SLC4A8: variants seen among roughly 807,000 people sequenced by gnomAD.
SLC4A8 encodes solute carrier family 4 member 8.
In SLC4A8, 40 loss-of-function variants were observed where a neutral mutation model predicts 125.0. The ratio of observed to expected loss-of-function variants is 0.32; its 90% CI spans 0.25 to 0.42. The LOEUF (loss-of-function observed/expected upper bound fraction) is 0.42, where lower values mean the gene tolerates loss of function less well. Among genes scored for constraint, SLC4A8 ranks in the 10% least tolerant of loss-of-function variants. The pLI is 1.00. For missense variants in SLC4A8, 863 were observed against 1,355.1 expected (o/e 0.64, Z 5.70); for synonymous variants, 456 against 476.0 (o/e 0.96, Z 0.55).
chr12:51,394,732 G>A (rs576767833), intron 1 of SLC4A8, among the ~76,000 whole-genome samples: 4 of 152,152 alleles, frequency 2.6e-5, no homozygotes, highest in Admixed American at 6.5e-5. Context: ...ACTACCTAGC[G>A]GGTATTATGC....
upstream of SLC4A8, among the ~76,000 whole-genome samples, chr12:51,423,580 C>A (rs993565910): frequency 6.6e-6 from 1 of 152,128 alleles, no homozygotes; most frequent in African/African-American, 2.4e-5. Context: ...ATTTCAGGAC[C>A]AACACAAAGG....
At chr12:51,465,924 A>G (rs750199308) in intron 11 of SLC4A8, among the ~76,000 whole-genome samples, 7 of 152,174 alleles carry the variant, frequency 4.6e-5, no homozygotes, top group Non-Finnish European at 8.8e-5. Flanking sequence ...CTAAAACCAC[A>G]TTAGTCTGGG....
rs190013848 is a variant in SLC4A8 at position 51,447,289 on chromosome 12, A to T, written c.131-3587A>T. 6.7e-3 allele frequency among the ~76,000 whole-genome samples: 1,010 copies of T among 151,492 alleles called. 7 individuals are homozygous for T. Among genetic ancestry groups the T allele is most frequent in the Non-Finnish European group, 0.011 (754 of 67,874 alleles). On this transcript the variant is annotated intron_variant, in intron 2 of 24. Coordinates refer to ENST00000453097, the MANE Select transcript of SLC4A8 (RefSeq NM_001039960.3). ...ACACCTTTTGTGGAGATGAGGTCTC[A>T]CTAAGTTGCCCAAGCTGGTCTCAAA...
intron 1 of SLC4A8, among the ~76,000 whole-genome samples, chr12:51,436,092 A>T (rs371838974): frequency 3.8e-4 from 58 of 152,334 alleles, no homozygotes; most frequent in African/African-American, 1.3e-3. Flanking sequence ...TCAATTTAGG[A>T]CTGCATGGCT....
intron 22 of SLC4A8, chr12:51,497,613 A>C (rs1951498920): frequency 6.5e-6 from 1 of 153,784 alleles, no homozygotes; most frequent in Non-Finnish European, 1.4e-5. Flanking sequence ...TAAATGGCCT[A>C]TATGTGCAAA....
intron 16 of SLC4A8, among the ~76,000 whole-genome samples, chr12:51,483,050 G>GT (rs2138370793): frequency 6.6e-6 from 1 of 152,202 alleles, no homozygotes; most frequent in East Asian, 1.9e-4. Context: ...TTCTTTTGTG[G>GT]TTCCCCCCAC....
chr12:51,475,316 A>T lies in SLC4A8; in HGVS notation c.2172+110A>T. ...TGATTGGCCAGGTGGAGAACTCCGGATGTCCTGATGAGCCACACTGGCATT... is the reference window on the plus strand; with the variant it reads ...TGATTGGCCAGGTGGAGAACTCCGGTTGTCCTGATGAGCCACACTGGCATT... On this transcript the variant is annotated intron_variant, in intron 16 of 24. Coordinates refer to ENST00000453097, the MANE Select transcript of SLC4A8 (RefSeq NM_001039960.3). 4 of 958,072 alleles carry T rather than the reference A, an allele frequency of 4.2e-6. No individual in the cohort carries two copies. The South Asian group carries it at 6.1e-5, about 15-fold the overall frequency. 59.3% of individuals were successfully genotyped at this position (958,072 alleles called of 1,614,324 possible).
Position 51,475,237 on chromosome 12 carries a change from G to A in SLC4A8, c.2172+31G>A, listed in dbSNP as rs145562372. ...TAGCATGTTCATGCATTTCTTTCAC[G>A]TTAGAATCAAATATAACAGAACCTT... On this transcript the variant is annotated intron_variant, in intron 16 of 24. Transcript: ENST00000453097. 2.4e-4 allele frequency: 387 copies of A among 1,606,708 alleles called. 1 individual carries two copies. The African/African-American group carries it at 4.5e-3, about 19-fold the overall frequency.
At chr12:51,396,454 C>T (rs992540124) in intron 1 of SLC4A8, among the ~76,000 whole-genome samples, 1 of 151,734 alleles carries the variant, frequency 6.6e-6, no homozygotes, top group African/African-American at 2.4e-5. Context: ...CATCTAAAAA[C>T]TCAGTAACCA....
chr12:51,460,020 G>A lies in SLC4A8; in HGVS notation c.925G>A (p.Asp309Asn). 3.1e-6 allele frequency: 5 copies of A among 1,613,538 alleles called. No individual in the cohort carries two copies. Among genetic ancestry groups the A allele is most frequent in the Non-Finnish European group, 4.2e-6 (5 of 1,179,456 alleles). ...CTCCAATGTCCTGGTTGGAGAGGTGGATATTTTGGACCGTCCCATTGTTGC... is the reference window on the plus strand; with the variant it reads ...CTCCAATGTCCTGGTTGGAGAGGTGAATATTTTGGACCGTCCCATTGTTGC... ...EASNVLVGEV[D>N]ILDRPIVAFV... The change falls in exon 8 of 25, where the codon GAT (aspartate) becomes AAT (asparagine). Residue 309 changes from aspartate (D) to asparagine (N), a missense_variant. By Grantham distance (23) the Asp-to-Asn change is conservative. Around this residue, in one of 6 missense-constraint regions of SLC4A8, gnomAD observed 390 missense variants for 634.4 expected, o/e 0.61. Transcript: ENST00000453097.
At chr12:51,404,519 G>C (rs1191248332) in intron 1 of SLC4A8, among the ~76,000 whole-genome samples, 1 of 152,086 alleles carries the variant, frequency 6.6e-6, no homozygotes, top group Non-Finnish European at 1.5e-5. Flanking sequence ...ACATTTCTTA[G>C]GGCAAGCAAA....
intron 22 of SLC4A8, among the ~76,000 whole-genome samples, chr12:51,503,752 T>C (rs546478602): frequency 2.0e-4 from 30 of 152,352 alleles, no homozygotes; most frequent in African/African-American, 7.2e-4. Flanking sequence ...TCATTTAAAA[T>C]GTTCTTCTGT....
intron 22 of SLC4A8, chr12:51,501,832 T>A (rs985256138): frequency 6.6e-6 from 1 of 152,248 alleles, no homozygotes; most frequent in Non-Finnish European, 1.5e-5. Context: ...TTTTTTGACT[T>A]TTTAATAATA....
At chr12:51,463,526 T>C (rs752770889) in intron 10 of SLC4A8, 88 bp from the exon 11 acceptor site, 57 of 977,042 alleles carry the variant, frequency 5.8e-5, no homozygotes, top group Non-Finnish European at 7.6e-5. Flanking sequence ...TTTGGTTGCT[T>C]TTGGGTTATC....
chr12:51,422,916 G>C (rs185488875), upstream of SLC4A8, among the ~76,000 whole-genome samples: 1 of 152,230 alleles, frequency 6.6e-6, no homozygotes, highest in Non-Finnish European at 1.5e-5. Flanking sequence ...CAATCTTCAT[G>C]GTTTATATAA....
chr12:51,425,068 C>T (rs1230448681), intron 1 of SLC4A8, 33 bp downstream of exon 1: 2 of 1,542,328 alleles, frequency 1.3e-6, no homozygotes, highest in Middle Eastern at 2.1e-4. Flanking sequence ...TCCCGCTCCT[C>T]CCCGGGGCGC....
chr12:51,463,251 C>CT (rs1345831262), intron 10 of SLC4A8, among the ~76,000 whole-genome samples: 1 of 152,094 alleles, frequency 6.6e-6, no homozygotes, highest in African/African-American at 2.4e-5. Context: ...AGGAATAAAA[C>CT]TGTCTTCTAG....
upstream of SLC4A8, chr12:51,422,053 T>C (rs959412101): frequency 2.0e-5 from 3 of 152,340 alleles, no homozygotes; most frequent in South Asian, 2.1e-4. Context: ...ACACCTAACA[T>C]AGGGCACGAT....
At chr12:51,494,893 C>A (rs372173060) in intron 20 of SLC4A8, 52 bp from the exon 21 acceptor site, 2 of 1,521,808 alleles carry the variant, frequency 1.3e-6, no homozygotes, top group Non-Finnish European at 1.8e-6. Flanking sequence ...TCTAACAAAG[C>A]TTCTGACCCA....
Sources: gnomAD v4.1 joint callset for allele counts (sites outside exome capture counted in the v4.1 genomes callset) on GRCh38, gnomAD v4.1.1 for gene constraint, gnomAD v4.1.1 regional missense constraint, MANE v1.5 for transcripts, NCBI Gene and HGNC (gene_info 2026-07-23, HGNC 2026-07-21) for gene names.